IQSEC1: variants seen among roughly 807,000 people sequenced by gnomAD.
IQSEC1 encodes the protein IQ motif and Sec7 domain ArfGEF 1.
Under a neutral mutation model 91.0 loss-of-function variants are expected in IQSEC1, and 31 were observed. That is an observed-to-expected ratio of 0.34 (90% CI 0.26 to 0.46). The LOEUF (loss-of-function observed/expected upper bound fraction) is 0.46, where lower values mean the gene tolerates loss of function less well. Among genes scored for constraint, IQSEC1 ranks in the 20% least tolerant of loss-of-function variants. The probability of loss-of-function intolerance (pLI) is 1.00; values close to 1 mark genes in which losing one functional copy is unlikely to be tolerated. For missense variants in IQSEC1, 1,388 were observed against 1,575.6 expected, an observed-to-expected ratio of 0.88 and a Z score of 2.02; for synonymous variants, 699 against 662.6, an observed-to-expected ratio of 1.05 and a Z score of -0.84.
intron 2 of IQSEC1, among the ~76,000 whole-genome samples, chr3:13,087,821 C>T (rs116513600): frequency 2.1e-4 from 32 of 152,276 alleles, no homozygotes; most frequent in African/African-American, 7.5e-4. Flanking sequence ...TGCATCCTCC[C>T]GTGGCAGAAG....
chr3:12,914,858 C>G (rs1319354905), intron 8 of IQSEC1, among the ~76,000 whole-genome samples: 1 of 152,000 alleles, frequency 6.6e-6, no homozygotes, highest in African/African-American at 2.4e-5. Flanking sequence ...GGCGCAGGGT[C>G]TGGGGGCTGG....
At chr3:13,175,754 T>A (rs1351276859) in intron 1 of IQSEC1, among the ~76,000 whole-genome samples, 1 of 152,238 alleles carries the variant, frequency 6.6e-6, no homozygotes, top group African/African-American at 2.4e-5. Context: ...CGAGGGCCAC[T>A]TGTCCGGTTC....
At chr3:12,957,015 C>T (rs1042868558) in intron 1 of IQSEC1, among the ~76,000 whole-genome samples, 2 of 152,246 alleles carry the variant, frequency 1.3e-5, no homozygotes, top group African/African-American at 4.8e-5. Flanking sequence ...CTTAACTCCT[C>T]AAGTCTTGTG....
intron 1 of IQSEC1, among the ~76,000 whole-genome samples, chr3:13,248,344 C>T (rs1176429999): frequency 6.6e-6 from 1 of 152,204 alleles, no homozygotes; most frequent in Non-Finnish European, 1.5e-5. Context: ...CTTGAGGATC[C>T]CCGAGCTCTG....
rs534833110 is a variant in IQSEC1, at chr3:12,899,717, AACAC to A, written c.*1262_*1265del. On this transcript the variant is annotated 3_prime_UTR_variant, in exon 14 of 14. Coordinates refer to ENST00000613206, the MANE Select transcript of IQSEC1 (RefSeq NM_001134382.3). ...CTACCACTCAGAAAACAAAACGGGA[AACAC>A]ACACACCGCCCTGGGTTGCTAAACG... 9.1e-6 allele frequency: 9 copies of A among 984,618 alleles called. No homozygotes were observed. The highest frequency in any genetic ancestry group is 6.2e-5 in the Admixed American group (1 of 16,206). The allele number at this position is 984,618 out of a possible 1,614,324, so 61.0% of individuals were successfully genotyped here.
chr3:13,245,766 CAAAA>C (rs60741725), intron 1 of IQSEC1, among the ~76,000 whole-genome samples: 2 of 114,144 alleles, frequency 1.8e-5, no homozygotes, highest in Non-Finnish European at 3.9e-5. Context: ...GACCCTGTTT[CAAAA>C]AAAAAAAAAA....
chr3:13,033,187 A>G (rs916697846), intron 1 of IQSEC1, among the ~76,000 whole-genome samples: 2 of 152,208 alleles, frequency 1.3e-5, no homozygotes, highest in Non-Finnish European at 2.9e-5. Context: ...CACCAGGCAC[A>G]TAAGCTCTTC....
chr3:13,178,422 T>G (rs985102627), intron 1 of IQSEC1, among the ~76,000 whole-genome samples: 1 of 152,226 alleles, frequency 6.6e-6, no homozygotes, highest in African/African-American at 2.4e-5. Flanking sequence ...CTTAGTGCCT[T>G]CAGGCTGCTG....
Position 12,900,908 on chromosome 3 carries a change from C to G in IQSEC1, c.*75G>C, listed in dbSNP as rs776218519. 3 of 1,535,554 alleles carry G rather than the reference C, an allele frequency of 2.0e-6. No individual in the cohort carries two copies. In the South Asian group the frequency reaches 3.6e-5, roughly 18 times the overall value. ...ACAGAAGTGCCCCGGGTTTGGTGTGCGGCTGGCGACCCCCGGGCGTGCCCT... is the reference window on the plus strand; with the variant it reads ...ACAGAAGTGCCCCGGGTTTGGTGTGGGGCTGGCGACCCCCGGGCGTGCCCT... On this transcript the variant is annotated 3_prime_UTR_variant, in exon 14 of 14. Coordinates refer to ENST00000613206, the MANE Select transcript of IQSEC1 (RefSeq NM_001134382.3).
intron 4 of IQSEC1, among the ~76,000 whole-genome samples, chr3:12,923,249 C>T (rs890064518): frequency 7.2e-5 from 11 of 152,090 alleles, no homozygotes; most frequent in Admixed American, 3.3e-4. Flanking sequence ...AAACAATGTG[C>T]GGATTTCCTA....
At chr3:13,236,576 T>C in intron 1 of IQSEC1, among the ~76,000 whole-genome samples, 1 of 152,142 alleles carries the variant, frequency 6.6e-6, no homozygotes, top group East Asian at 1.9e-4. Flanking sequence ...CCTCAGGTGC[T>C]TCGGAGTCAC....
At chr3:13,112,088 A>G (rs1004860752) in intron 2 of IQSEC1, among the ~76,000 whole-genome samples, 8 of 151,850 alleles carry the variant, frequency 5.3e-5, no homozygotes, top group Non-Finnish European at 1.0e-4. Flanking sequence ...CCTGCCTTCC[A>G]TCTCCCAGCT....
Position 13,134,276 on chromosome 3 carries a change from G to A in IQSEC1, c.302+29828C>T, listed in dbSNP as rs868240121. Among the ~76,000 whole-genome samples the A allele has an allele frequency of 9.8e-5, 15 of 152,336 alleles. No homozygotes were observed. In the Middle Eastern group the frequency reaches 0.01, roughly 104 times the overall value. ...AGGCATCCCACAGGCCATGTTCTCA[G>A]CCACCTTTGACCTCCAGGAGAAGTG... On this transcript the variant is annotated intron_variant, in intron 2 of 15. Coordinates refer to the IQSEC1 transcript ENST00000648114.
In IQSEC1 at chr3:13,145,104, C is replaced by T. The variant is rs545607356; in HGVS notation, c.302+19000G>A. Among the ~76,000 whole-genome samples the T allele has an allele frequency of 3.7e-4, 57 of 152,092 alleles. No individual in the cohort carries two copies. The South Asian group carries it at 0.011, about 30-fold the overall frequency. On this transcript the variant is annotated intron_variant, in intron 2 of 15. Transcript: ENST00000648114. ...TGAAGGGTGGGGGGGCTGGCATGAG[C>T]CCCCCCATCTGCTGAGGAATGAGTT...
At chr3:13,226,826 CT>C (rs1694761489) in intron 1 of IQSEC1, among the ~76,000 whole-genome samples, 1 of 152,162 alleles carries the variant, frequency 6.6e-6, no homozygotes, top group Non-Finnish European at 1.5e-5. Flanking sequence ...GGCCCAAACC[CT>C]CCCACGAGGA....
chr3:13,257,623 G>A (rs1021470369), intron 1 of IQSEC1, among the ~76,000 whole-genome samples: 1 of 152,142 alleles, frequency 6.6e-6, no homozygotes, highest in Non-Finnish European at 1.5e-5. Flanking sequence ...GTAGGGCTCC[G>A]CACCCTGCAG....
At chr3:13,176,778 G>A (rs140920552) in intron 1 of IQSEC1, among the ~76,000 whole-genome samples, 37 of 152,346 alleles carry the variant, frequency 2.4e-4, no homozygotes, top group South Asian at 1.0e-3. Flanking sequence ...TTTTAAATGC[G>A]TCAGTGAGCT....
Position 12,897,201 on chromosome 3 carries a change from C to T in IQSEC1, c.*3782G>A, listed in dbSNP as rs1693732110. 2 of 152,332 alleles carry T rather than the reference C, an allele frequency of 1.3e-5. No individual in the cohort carries two copies. Among genetic ancestry groups the T allele is most frequent in the East Asian group, 3.9e-4 (2 of 5,190 alleles). The allele number at this position is 152,332 out of a possible 1,614,324, so 9.4% of individuals were successfully genotyped here. On this transcript the variant is annotated 3_prime_UTR_variant, in exon 14 of 14. Transcript: ENST00000613206. ...CCAACAGGGCAACTTCTGGACTTTTCAGAAAAAGTGAGAATCCGAGAGTTT... is the reference window on the plus strand; with the variant it reads ...CCAACAGGGCAACTTCTGGACTTTTTAGAAAAAGTGAGAATCCGAGAGTTT...
At chr3:13,057,256 C>G (rs1312516848) in intron 1 of IQSEC1, among the ~76,000 whole-genome samples, 1 of 152,190 alleles carries the variant, frequency 6.6e-6, no homozygotes, top group East Asian at 1.9e-4. Flanking sequence ...ATGGAGGTGG[C>G]CTCTGCTTCA....
Sources: allele counts gnomAD v4.1 joint callset (sites outside exome capture counted in the v4.1 genomes callset), GRCh38; gene constraint gnomAD v4.1.1; transcripts MANE v1.5; gene names NCBI Gene and HGNC (gene_info 2026-07-23, HGNC 2026-07-21).